The following BMAL1 variants were observed in gnomAD, a reference collection of about 807,000 sequenced individuals.
BMAL1 encodes the protein basic helix-loop-helix ARNT like 1.
chr11:13,378,686 G>A, the BMAL1 span: 23 of 483,788 alleles, frequency 4.8e-5, no homozygotes, highest in South Asian at 2.8e-4. Context: ...CAAAATGTTA[G>A]TAGTGCCTAG....
At chr11:13,318,515 T>G in the BMAL1 span, among the ~76,000 whole-genome samples, 4 of 151,592 alleles carry the variant, frequency 2.6e-5, no homozygotes, top group Non-Finnish European at 4.4e-5. Context: ...ATTTATGGTG[T>G]TGTAAATTTG....
At chr11:13,362,155 TC>T in the BMAL1 span, among the ~76,000 whole-genome samples, 5 of 152,162 alleles carry the variant, frequency 3.3e-5, no homozygotes, top group Admixed American at 2.6e-4. Flanking sequence ...CAGAAGTGAC[TC>T]CCACAACCCA....
chr11:13,280,964 C>T, the BMAL1 span, among the ~76,000 whole-genome samples: 3 of 152,142 alleles, frequency 2.0e-5, no homozygotes, highest in South Asian at 6.2e-4. Context: ...CAGGTTTGGG[C>T]TTTGTGGTCT....
At chr11:13,366,806 T>C in the BMAL1 span, 4 of 1,597,318 alleles carry the variant, frequency 2.5e-6, no homozygotes, top group Admixed American at 6.7e-5. Context: ...AGGCCTCGCA[T>C]TTCCTCAGCA....
At chr11:13,353,770 G>A in the BMAL1 span, among the ~76,000 whole-genome samples, 3,818 of 152,256 alleles carry the variant, frequency 0.025, 160 homozygotes, top group African/African-American at 0.087. Flanking sequence ...AGGTGGTAGT[G>A]AGCTGAGATT....
chr11:13,317,717 T>C, the BMAL1 span, among the ~76,000 whole-genome samples: 1 of 152,376 alleles, frequency 6.6e-6, no homozygotes, highest in South Asian at 2.1e-4. Flanking sequence ...CACAAGTATG[T>C]TAGAAATACT....
At chr11:13,289,386 GT>G in the BMAL1 span, among the ~76,000 whole-genome samples, 2 of 152,018 alleles carry the variant, frequency 1.3e-5, no homozygotes, top group South Asian at 4.2e-4. Context: ...TTGTTTATTT[GT>G]TTGTTTTTAT....
chr11:13,376,601 G>A, the BMAL1 span: 104 of 1,601,698 alleles, frequency 6.5e-5, no homozygotes, highest in East Asian at 2.2e-3. Context: ...GTTCTGAGCA[G>A]GCCTGACTCA....
chr11:13,321,198 C>T, the BMAL1 span, among the ~76,000 whole-genome samples: 2 of 152,310 alleles, frequency 1.3e-5, no homozygotes, highest in East Asian at 3.9e-4. Flanking sequence ...GTTCACCCTA[C>T]TGAGATTTTA....
chr11:13,331,016 G>T, the BMAL1 span, among the ~76,000 whole-genome samples: 1 of 152,212 alleles, frequency 6.6e-6, no homozygotes, highest in African/African-American at 2.4e-5. Context: ...GCCTAGGCAA[G>T]GGAGTGACTT....
At chr11:13,369,584 C>T in the BMAL1 span, 1 of 1,612,738 alleles carries the variant, frequency 6.2e-7, no homozygotes, top group Non-Finnish European at 8.5e-7. Flanking sequence ...CAACACTGCT[C>T]TCAGTTTATC....
At chr11:13,323,642 A>G in the BMAL1 span, among the ~76,000 whole-genome samples, 1 of 152,078 alleles carries the variant, frequency 6.6e-6, no homozygotes, top group Non-Finnish European at 1.5e-5. Flanking sequence ...ATTGAGACTG[A>G]GTCTTGCTTT....
the BMAL1 span, among the ~76,000 whole-genome samples, chr11:13,383,464 C>T: frequency 2.0e-5 from 3 of 152,174 alleles, no homozygotes; most frequent in Non-Finnish European, 4.4e-5. Flanking sequence ...AAAAATCAGA[C>T]AAGTGGCACC....
At chr11:13,292,017 T>C in the BMAL1 span, among the ~76,000 whole-genome samples, 1 of 152,234 alleles carries the variant, frequency 6.6e-6, no homozygotes, top group Non-Finnish European at 1.5e-5. Context: ...ATTTCAGCTT[T>C]CAGTGCCTTT....
chr11:13,336,258 C>A, the BMAL1 span, among the ~76,000 whole-genome samples: 1 of 152,086 alleles, frequency 6.6e-6, no homozygotes, highest in African/African-American at 2.4e-5. Context: ...CATATTTTTT[C>A]ATTTTTGCAA....
the BMAL1 span, among the ~76,000 whole-genome samples, chr11:13,321,326 C>G: frequency 2.0e-5 from 3 of 152,304 alleles, no homozygotes; most frequent in African/African-American, 7.2e-5. Context: ...TACTGCGTGA[C>G]TCCTGTATAC....
At chr11:13,327,319 G>A in the BMAL1 span, among the ~76,000 whole-genome samples, 108 of 152,220 alleles carry the variant, frequency 7.1e-4, no homozygotes, top group African/African-American at 2.3e-3. Flanking sequence ...ACTATGCGCC[G>A]GACATTGTGC....
At chr11:13,277,364 C>A in the BMAL1 span, among the ~76,000 whole-genome samples, 5 of 152,144 alleles carry the variant, frequency 3.3e-5, no homozygotes, top group Admixed American at 2.6e-4. Context: ...CCGAGGAGCG[C>A]GGCTTGGGCA....
chr11:13,320,867 G>A, the BMAL1 span, among the ~76,000 whole-genome samples: 2 of 152,216 alleles, frequency 1.3e-5, no homozygotes, highest in Admixed American at 1.3e-4. Flanking sequence ...ATAGAGGAAA[G>A]ATTAATTAAC....
Sources: gnomAD v4.1 joint callset for allele counts (sites outside exome capture counted in the v4.1 genomes callset) on GRCh38, gnomAD v4.1.1 for gene constraint, MANE v1.5 for transcripts, NCBI Gene and HGNC (gene_info 2026-07-23, HGNC 2026-07-21) for gene names.